Variants in ANKH observed in about 807,000 individuals in gnomAD.
The protein encoded by ANKH is mineralization regulator ANKH.
ANKH carries 15 observed loss-of-function variants against 49.0 expected under a neutral mutation model. The ratio of observed to expected loss-of-function variants is 0.31; its 90% CI spans 0.20 to 0.47. The LOEUF is 0.47. Among genes scored for constraint, ANKH ranks in the 20% least tolerant of loss-of-function variants. ANKH has a pLI of 1.00. For synonymous variants in ANKH, 273 were observed against 260.0 expected, an observed-to-expected ratio of 1.05 and a Z score of -0.48; for missense variants, 429 against 652.0, an observed-to-expected ratio of 0.66 and a Z score of 3.72.
intron 1 of ANKH, among the ~76,000 whole-genome samples, chr5:14,773,353 C>CTTTT (rs71603741): frequency 0.019 from 1,436 of 76,850 alleles, 119 homozygotes; most frequent in Non-Finnish European, 0.022. Flanking sequence ...GCAAAGCATT[C>CTTTT]TTTTTTTTTT....
chr5:14,731,501 C>T (rs941840828), intron 8 of ANKH, among the ~76,000 whole-genome samples: 1 of 152,350 alleles, frequency 6.6e-6, no homozygotes, highest in Admixed American at 6.5e-5. Context: ...CTGCCTTCTC[C>T]ACCAAGGAGG....
intron 1 of ANKH, among the ~76,000 whole-genome samples, chr5:14,800,272 T>C (rs1045050507): frequency 6.6e-6 from 1 of 152,238 alleles, no homozygotes; most frequent in African/African-American, 2.4e-5. Flanking sequence ...CTGGTGAAGA[T>C]GCTGTGAACA....
intron 5 of ANKH, 130 bp from the exon 6 acceptor site, chr5:14,749,436 G>C: frequency 1.9e-6 from 2 of 1,049,500 alleles, no homozygotes; most frequent in Non-Finnish European, 1.4e-6. Context: ...GTAATATAAG[G>C]AAAAGTGTCT....
chr5:14,780,633 ACTGTT>A (rs1260914057), intron 1 of ANKH, among the ~76,000 whole-genome samples: 2 of 152,258 alleles, frequency 1.3e-5, no homozygotes, highest in Non-Finnish European at 2.9e-5. Flanking sequence ...GAAAGCTGAT[ACTGTT>A]CCCTAAAATA....
intron 1 of ANKH, among the ~76,000 whole-genome samples, chr5:14,795,344 T>C (rs1363884446): frequency 3.3e-5 from 5 of 152,114 alleles, no homozygotes; most frequent in Non-Finnish European, 7.4e-5. Context: ...ATTTTCTGCA[T>C]TTGGAAAAAA....
chr5:14,755,128 C>G (rs1738845756), intron 4 of ANKH, among the ~76,000 whole-genome samples: 1 of 151,706 alleles, frequency 6.6e-6, no homozygotes. Flanking sequence ...ACCTCTTCCT[C>G]TATGAAGAAA....
intron 1 of ANKH, among the ~76,000 whole-genome samples, chr5:14,786,925 AAC>A (rs1386075211): frequency 6.6e-6 from 1 of 152,232 alleles, no homozygotes; most frequent in Non-Finnish European, 1.5e-5. Flanking sequence ...TGTGTCCACC[AAC>A]ATAGGAAAGG....
intron 1 of ANKH, among the ~76,000 whole-genome samples, chr5:14,798,593 T>C (rs945339999): frequency 6.6e-6 from 1 of 152,060 alleles, no homozygotes; most frequent in Non-Finnish European, 1.5e-5. Context: ...TCTCTGTCTC[T>C]TTGTGTCACA....
At position 14,725,259 on chromosome 5, in the gene ANKH, T is replaced by C. The variant is rs1737788854; in HGVS notation, c.1012-8424A>G. On this transcript the variant is annotated intron_variant, in intron 8 of 11. Coordinates refer to ENST00000284268, the MANE Select transcript of ANKH (RefSeq NM_054027.6). The surrounding 1 kb of genome is among the most constrained non-coding windows in gnomAD (Gnocchi z 4.0). The stretch of plus-strand genomic sequence containing the variant: ...TCAGCTCTCTTCTTTCAAACGGGGA[T>C]GGTGTCTCCCTCACAGGGATGCTGT... Among the ~76,000 whole-genome samples the C allele has an allele frequency of 6.6e-6, 1 of 152,182 alleles. No homozygotes were observed. Among genetic ancestry groups the C allele is most frequent in the South Asian group, 2.1e-4 (1 of 4,832 alleles).
At chr5:14,859,659 T>C (rs1168877644) in intron 1 of ANKH, among the ~76,000 whole-genome samples, 4 of 152,084 alleles carry the variant, frequency 2.6e-5, no homozygotes, top group African/African-American at 9.7e-5. Flanking sequence ...ATCAGAACAG[T>C]GGTTGACTAG....
chr5:14,844,027 G>A (rs1741889777), intron 1 of ANKH, among the ~76,000 whole-genome samples: 1 of 152,170 alleles, frequency 6.6e-6, no homozygotes, highest in Admixed American at 6.5e-5. Context: ...TCATCCACAA[G>A]ATTTGACCTG....
At chr5:14,817,661 G>T (rs1339666389) in intron 1 of ANKH, among the ~76,000 whole-genome samples, 2 of 152,136 alleles carry the variant, frequency 1.3e-5, no homozygotes, top group African/African-American at 4.8e-5. Flanking sequence ...GAAGTAAAAG[G>T]CTGTGAATTT....
rs751766347 is a variant in ANKH, at chr5:14,713,688, C to G, written c.1142-21G>C. 8 of 1,612,912 alleles carry G rather than the reference C, an allele frequency of 5.0e-6. No homozygotes were observed. The South Asian group carries it at 8.8e-5, about 18-fold the overall frequency. On this transcript the variant is annotated intron_variant, in intron 9 of 11. Coordinates refer to ENST00000284268, the MANE Select transcript of ANKH (RefSeq NM_054027.6). The surrounding 1 kb of genome is among the most constrained non-coding windows in gnomAD (Gnocchi z 4.4). Reference sequence around the variant, plus strand: ...TGTGACTGTTGGGAGGAGCAAAGGACTCGTCAGCCGTGCCCGCCATCCACT... The same window carrying G: ...TGTGACTGTTGGGAGGAGCAAAGGAGTCGTCAGCCGTGCCCGCCATCCACT...
intron 1 of ANKH, among the ~76,000 whole-genome samples, chr5:14,858,732 AAT>A (rs1350637151): frequency 1.0e-5 from 1 of 97,158 alleles, no homozygotes; most frequent in Non-Finnish European, 2.2e-5. Context: ...TAAATAAATA[AAT>A]AAATAAATAA....
rs113856141 is a variant in ANKH, at chr5:14,739,142, C to T, written c.1011+2685G>A. ...TTAGAAAGAAAAATCTCCGGCTGGGCGCAGTGGCTCATGCCTGTAATCCCA... is the reference window on the plus strand; with the variant it reads ...TTAGAAAGAAAAATCTCCGGCTGGGTGCAGTGGCTCATGCCTGTAATCCCA... On this transcript the variant is annotated intron_variant, in intron 8 of 11. Transcript: ENST00000284268. 1.0e-3 allele frequency among the ~76,000 whole-genome samples: 152 copies of T among 151,906 alleles called. 2 individuals are homozygous for T. Among genetic ancestry groups the T allele is most frequent in the African/African-American group, 3.1e-3 (130 of 41,440 alleles).
chr5:14,738,146 G>A (rs1738244793), intron 8 of ANKH, among the ~76,000 whole-genome samples: 1 of 152,230 alleles, frequency 6.6e-6, no homozygotes, highest in Non-Finnish European at 1.5e-5. Context: ...AACTTCTGGA[G>A]TAGGACAGAT....
At chr5:14,788,994 C>T (rs1026683440) in intron 1 of ANKH, among the ~76,000 whole-genome samples, 6 of 152,108 alleles carry the variant, frequency 3.9e-5, no homozygotes, top group Admixed American at 1.3e-4. Context: ...TTTGGGAGGC[C>T]GAGGCGGGTG....
chr5:14,847,297 T>C (rs1180138547), intron 1 of ANKH, among the ~76,000 whole-genome samples: 1 of 152,162 alleles, frequency 6.6e-6, no homozygotes. Context: ...AAAAAGGGGC[T>C]GTTACTGGTT....
At chr5:14,728,948 A>G (rs926596160) in intron 8 of ANKH, among the ~76,000 whole-genome samples, 2 of 152,202 alleles carry the variant, frequency 1.3e-5, no homozygotes, top group Non-Finnish European at 2.9e-5. Context: ...AGGGCGCGGA[A>G]GGCCCTCTCC....
Sources: allele counts gnomAD v4.1 joint callset (sites outside exome capture counted in the v4.1 genomes callset), GRCh38; gene constraint gnomAD v4.1.1; non-coding constraint Gnocchi (gnomAD v3.1); transcripts MANE v1.5; gene names NCBI Gene and HGNC (gene_info 2026-07-23, HGNC 2026-07-21).